The following CLASRP variants were observed in gnomAD, a reference collection of about 807,000 sequenced individuals.
CLASRP encodes CLK4 associating serine/arginine rich protein.
CLASRP carries 52 observed loss-of-function variants against 99.9 expected under a neutral mutation model. The observed-to-expected ratio is 0.52, with a 90% CI of 0.42 to 0.66. CLASRP has a LOEUF of 0.66. Among genes scored for constraint, CLASRP ranks in the 30% least tolerant of loss-of-function variants. CLASRP has a pLI of 0.00. For missense variants in CLASRP, 848 were observed against 999.2 expected, an observed-to-expected ratio of 0.85 and a Z score of 2.04; for synonymous variants, 379 against 373.0, an observed-to-expected ratio of 1.02 and a Z score of -0.18.
intron 2 of CLASRP, among the ~76,000 whole-genome samples, chr19:45,051,857 A>G (rs1259678681): frequency 1.3e-5 from 2 of 151,974 alleles, no homozygotes; most frequent in African/African-American, 4.8e-5. Flanking sequence ...AGTCCCAGCT[A>G]CTCAGAAAGC....
At chr19:45,039,148 A>C (rs1216502273) in intron 1 of CLASRP, 40 bp downstream of exon 1, 2 of 152,094 alleles carry the variant, frequency 1.3e-5, no homozygotes, top group South Asian at 2.1e-4. Context: ...GTTTTCGGGC[A>C]GGCCTCAGCC....
intron 10 of CLASRP, among the ~76,000 whole-genome samples, chr19:45,061,262 C>T (rs377445421): frequency 2.6e-5 from 4 of 152,132 alleles, no homozygotes; most frequent in East Asian, 1.9e-4. Context: ...CGGTTGGTAT[C>T]GGAAACATTC....
intron 2 of CLASRP, among the ~76,000 whole-genome samples, chr19:45,044,268 T>TC (rs1360203986): frequency 1.3e-5 from 2 of 152,224 alleles, no homozygotes; most frequent in African/African-American, 4.8e-5. Flanking sequence ...GCCTGCGAGG[T>TC]AGGTATTGAT....
chr19:45,068,331 C>CCG (rs1310593526), intron 15 of CLASRP, 89 bp from the exon 16 acceptor site: 5 of 647,072 alleles, frequency 7.7e-6, no homozygotes, highest in Non-Finnish European at 1.4e-5. Context: ...ACCCCCCCCC[C>CCG]GCACAAAGCC....
intron 19 of CLASRP, 73 bp from the exon 20 acceptor site, chr19:45,070,464 C>A: frequency 2.1e-6 from 3 of 1,397,118 alleles, no homozygotes; most frequent in Non-Finnish European, 3.1e-6. Flanking sequence ...GTTTTGAGGA[C>A]CTCACCCCAG....
At chr19:45,053,960 G>A (rs8111826) in intron 5 of CLASRP, among the ~76,000 whole-genome samples, 68,970 of 152,042 alleles carry the variant, frequency 0.45, 15,995 homozygotes, top group Non-Finnish European at 0.51. Flanking sequence ...TACTCTGCCC[G>A]CACAGATCAG....
intron 6 of CLASRP, among the ~76,000 whole-genome samples, 198 bp downstream of exon 6, chr19:45,056,732 G>A (rs1321239723): frequency 2.6e-5 from 4 of 152,228 alleles, no homozygotes; most frequent in East Asian, 3.9e-4. Context: ...AGGGCTCTGC[G>A]TTACATTTTC....
intron 13 of CLASRP, among the ~76,000 whole-genome samples, chr19:45,066,970 C>T (rs565437460): frequency 2.0e-5 from 3 of 149,602 alleles, no homozygotes; most frequent in East Asian, 2.0e-4. Context: ...ATGAGGTCAC[C>T]GTGGAACACT....
At chr19:45,051,818 A>G (rs1286941401) in intron 2 of CLASRP, among the ~76,000 whole-genome samples, 2 of 152,108 alleles carry the variant, frequency 1.3e-5, no homozygotes, top group Non-Finnish European at 2.9e-5. Context: ...AACACAAAAA[A>G]TTAGTCGGGC....
intron 5 of CLASRP, among the ~76,000 whole-genome samples, chr19:45,054,451 A>G (rs1014319657): frequency 2.0e-5 from 3 of 152,088 alleles, no homozygotes; most frequent in Non-Finnish European, 2.9e-5. Context: ...GGATTTCACC[A>G]TCTTGGCCAG....
Position 45,039,464 on chromosome 19 carries a change from C to T in CLASRP, c.-30+356C>T, listed in dbSNP as rs186232491. 2.9e-4 allele frequency: 45 copies of T among 152,642 alleles called. No individual in the cohort carries two copies. The East Asian group carries it at 7.3e-3, about 25-fold the overall frequency. The allele number at this position is 152,642 out of a possible 1,614,324, so 9.5% of individuals were successfully genotyped here. A position where few individuals can be genotyped will look rare whatever the true frequency, so the allele number is the denominator to read the frequency against. On this transcript the variant is annotated intron_variant, in intron 1 of 20. Transcript: ENST00000221455. ...CTCCGCCCTTTCCCGCAAGCCCTGC[C>T]CCCAAGCTCAGCCCACGCCCTCCTG...
chr19:45,067,986 C>G lies in CLASRP; in HGVS notation c.1668-29C>G. The G allele has an allele frequency of 6.3e-7, 1 of 1,580,430 alleles. No homozygotes were observed. Among genetic ancestry groups the G allele is most frequent in the Non-Finnish European group, 8.7e-7 (1 of 1,149,420 alleles). On this transcript the variant is annotated intron_variant, in intron 14 of 20. Coordinates refer to ENST00000221455, the MANE Select transcript of CLASRP (RefSeq NM_007056.3). This position sits in a 1 kb window ranked among gnomAD's most constrained non-coding sequence, Gnocchi z 4.9. ...GGCAGCTGCCCTTTCCCCCTCCCAA[C>G]CATGTCCTCTGGCCCTGCCCCCACC...
chr19:45,055,659 C>T (rs1407354536), intron 5 of CLASRP, among the ~76,000 whole-genome samples: 1 of 152,100 alleles, frequency 6.6e-6, no homozygotes, highest in Non-Finnish European at 1.5e-5. Context: ...TATGGAGAAA[C>T]CCTGTCTGTA....
chr19:45,042,003 C>T (rs946170989), intron 2 of CLASRP, among the ~76,000 whole-genome samples: 3 of 152,230 alleles, frequency 2.0e-5, no homozygotes, highest in Non-Finnish European at 2.9e-5. Flanking sequence ...ATGCCATAAT[C>T]ATAGCTCCCT....
intron 5 of CLASRP, 100 bp downstream of exon 5, chr19:45,053,277 A>G (rs1028025160): frequency 8.5e-7 from 1 of 1,169,680 alleles, no homozygotes; most frequent in African/African-American, 1.5e-5. Context: ...CATACTTTCT[A>G]CTAAAGGGCC....
At chr19:45,068,311 T>TCCCCCCCCCCCCCCCCCCCCCCC in intron 15 of CLASRP, 109 bp from the exon 16 acceptor site, 1 of 543,618 alleles carries the variant, frequency 1.8e-6, no homozygotes, top group Non-Finnish European at 3.3e-6. Context: ...CACGTCGTTC[T>TCCCCCCCCCCCCCCCCCCCCCCC]CCCCCCCCCA....
rs1372806539 is a variant in CLASRP at position 45,067,637 on chromosome 19, G to A, written c.1667+43G>A. The stretch of plus-strand genomic sequence containing the variant: ...GGAGGAAGAGGGCTGCCAATCTCGG[G>A]TGGGGAGGGTGAACATCACTGTTTT... On this transcript the variant is annotated intron_variant, in intron 14 of 20. Transcript: ENST00000221455. This position sits in a 1 kb window ranked among gnomAD's most constrained non-coding sequence, Gnocchi z 4.9. The A allele has an allele frequency of 4.0e-6, 6 of 1,518,620 alleles. No homozygotes were observed. The highest frequency in any genetic ancestry group is 4.5e-6 in the Non-Finnish European group (5 of 1,121,776). The allele number at this position is 1,518,620 out of a possible 1,614,324, so 94.1% of individuals were successfully genotyped here.
rs1394143629 is a variant in CLASRP at position 45,057,794 on chromosome 19, G to A, written c.509G>A (p.Ser170Asn). 4.0e-5 allele frequency: 65 copies of A among 1,613,958 alleles called. No individual in the cohort carries two copies. Among genetic ancestry groups the A allele is most frequent in the Non-Finnish European group, 5.3e-5 (62 of 1,179,960 alleles). Residue 170 changes from serine to asparagine, a missense_variant, in exon 7 of 21, where the codon AGC (serine) becomes AAC (asparagine). Around this residue, in one of 8 missense-constraint regions of CLASRP, gnomAD observed 119 missense variants for 170.2 expected, o/e 0.70. Coordinates refer to ENST00000221455, the MANE Select transcript of CLASRP (RefSeq NM_007056.3). ...KASIGYTYED[S>N]TVAEVEKAAE... is the part of the protein sequence containing the mutation. ...TCCATCGGTTATACCTACGAGGACAGCACGGTGGCCGAGGTAGAGAAGGCG... is the reference window on the plus strand; with the variant it reads ...TCCATCGGTTATACCTACGAGGACAACACGGTGGCCGAGGTAGAGAAGGCG...
intron 3 of CLASRP, among the ~76,000 whole-genome samples, chr19:45,052,471 T>G (rs1458401384): frequency 1.3e-5 from 2 of 152,066 alleles, no homozygotes; most frequent in Non-Finnish European, 2.9e-5. Context: ...TCAGGGTGCC[T>G]GGGGCCCGCC....
Sources: gnomAD v4.1 joint callset for allele counts (sites outside exome capture counted in the v4.1 genomes callset) on GRCh38, gnomAD v4.1.1 for gene constraint, gnomAD v4.1.1 regional missense constraint, Gnocchi (gnomAD v3.1) non-coding constraint, MANE v1.5 for transcripts, NCBI Gene and HGNC (gene_info 2026-07-23, HGNC 2026-07-21) for gene names.